The following GALNT13 variants were observed in gnomAD, a reference collection of about 807,000 sequenced individuals.
The protein encoded by GALNT13 is UDP-GalNAc:polypeptide N-acetylgalactosaminyltransferase 13.
A neutral mutation model predicts 64.2 loss-of-function variants in GALNT13; 28 were observed. The observed-to-expected ratio is 0.44, with a 90% CI of 0.32 to 0.60. The LOEUF (loss-of-function observed/expected upper bound fraction) is 0.60, where lower values mean the gene tolerates loss of function less well. Among genes scored for constraint, GALNT13 ranks in the 20% least tolerant of loss-of-function variants. The probability of loss-of-function intolerance (pLI) is 0.05; values close to 1 mark genes in which losing one functional copy is unlikely to be tolerated. For missense variants in GALNT13, 577 were observed against 669.8 expected (o/e 0.86, Z 1.53); for synonymous variants, 214 against 224.6 (o/e 0.95, Z 0.42).
chr2:154,056,325 G>T (rs898901552), intron 3 of GALNT13, among the ~76,000 whole-genome samples: 1 of 151,988 alleles, frequency 6.6e-6, no homozygotes, highest in Non-Finnish European at 1.5e-5. Flanking sequence ...AGTAATATTA[G>T]ACATCTAGAC....
the GALNT13 span, among the ~76,000 whole-genome samples, chr2:153,211,061 T>G: frequency 0.17 from 25,873 of 152,146 alleles, 2,305 homozygotes; most frequent in Non-Finnish European, 0.19. Context: ...TACAAAATTA[T>G]TTTGATTTTA....
chr2:153,593,005 G>A, the GALNT13 span: 5 of 152,382 alleles, frequency 3.3e-5, no homozygotes, highest in African/African-American at 9.7e-5. Flanking sequence ...AGAGGAGCAG[G>A]GGATAAAGCG....
At chr2:154,398,271 T>C (rs900192077) in intron 10 of GALNT13, among the ~76,000 whole-genome samples, 3 of 152,188 alleles carry the variant, frequency 2.0e-5, no homozygotes, top group Non-Finnish European at 4.4e-5. Context: ...GACCAAGGGC[T>C]ATAACAGGAC....
At chr2:153,330,771 G>A in the GALNT13 span, among the ~76,000 whole-genome samples, 1 of 152,016 alleles carries the variant, frequency 6.6e-6, no homozygotes, top group Admixed American at 6.6e-5. Context: ...CCTTTTATTT[G>A]TTTCTCTTAA....
At chr2:154,166,234 A>G (rs1323951049) in intron 4 of GALNT13, among the ~76,000 whole-genome samples, 2 of 152,082 alleles carry the variant, frequency 1.3e-5, no homozygotes, top group Admixed American at 6.6e-5. Context: ...GTGAAACCCC[A>G]TCTCTACTAA....
At chr2:154,354,172 C>T (rs1279757417) in intron 9 of GALNT13, among the ~76,000 whole-genome samples, 1 of 152,108 alleles carries the variant, frequency 6.6e-6, no homozygotes, top group Non-Finnish European at 1.5e-5. Context: ...CATACATTTT[C>T]ATATACCTGT....
At chr2:154,110,776 A>C (rs1012424122) in intron 3 of GALNT13, among the ~76,000 whole-genome samples, 22 of 152,100 alleles carry the variant, frequency 1.4e-4, no homozygotes, top group African/African-American at 5.3e-4. Flanking sequence ...TCAAGTAGAC[A>C]CTCAGTATTA....
chr2:154,284,254 A>T (rs1428633678), intron 8 of GALNT13, among the ~76,000 whole-genome samples: 1 of 152,100 alleles, frequency 6.6e-6, no homozygotes, highest in Non-Finnish European at 1.5e-5. Context: ...TTGTCCTTTG[A>T]CCAACATCTT....
the GALNT13 span, among the ~76,000 whole-genome samples, chr2:153,182,619 C>T: frequency 6.6e-6 from 1 of 152,274 alleles, no homozygotes; most frequent in Non-Finnish European, 1.5e-5. Flanking sequence ...CAACCCCTGA[C>T]TGACAGGTCC....
At chr2:154,192,092 A>C (rs1185312535) in intron 4 of GALNT13, among the ~76,000 whole-genome samples, 2 of 152,188 alleles carry the variant, frequency 1.3e-5, no homozygotes, top group African/African-American at 4.8e-5. Context: ...CTCAGCAGCC[A>C]GGCTCTCCTC....
the GALNT13 span, among the ~76,000 whole-genome samples, chr2:153,494,462 T>C: frequency 1.3e-5 from 2 of 151,942 alleles, no homozygotes; most frequent in African/African-American, 2.4e-5. Flanking sequence ...CTTATACATA[T>C]ATGACCAATT....
chr2:154,005,728 G>A (rs1553465550), intron 3 of GALNT13, among the ~76,000 whole-genome samples: 1 of 150,212 alleles, frequency 6.7e-6, no homozygotes, highest in Non-Finnish European at 1.5e-5. Context: ...TTTTTTTGTG[G>A]TTAAAATAAA....
At chr2:153,478,627 G>T in the GALNT13 span, 1 of 1,332,122 alleles carries the variant, frequency 7.5e-7, no homozygotes, top group Non-Finnish European at 1.0e-6. Context: ...CGGCGGCGCT[G>T]GAGGAACAGG....
intron 4 of GALNT13, among the ~76,000 whole-genome samples, chr2:154,200,852 A>G (rs966758344): frequency 6.6e-6 from 1 of 152,162 alleles, no homozygotes; most frequent in Admixed American, 6.6e-5. Flanking sequence ...CTTGACTAAC[A>G]TACATGATGA....
chr2:153,768,861 A>C, the GALNT13 span, among the ~76,000 whole-genome samples: 2 of 152,230 alleles, frequency 1.3e-5, no homozygotes, highest in African/African-American at 2.4e-5. Flanking sequence ...GCAAGACTCC[A>C]TCTAAATAAA....
chr2:154,022,431 A>G (rs2105281747), intron 3 of GALNT13, among the ~76,000 whole-genome samples: 1 of 152,252 alleles, frequency 6.6e-6, no homozygotes, highest in Admixed American at 6.5e-5. Context: ...GGGAGGATGT[A>G]TGTGTCGAGG....
At chr2:154,232,273 A>G (rs979341861) in intron 4 of GALNT13, among the ~76,000 whole-genome samples, 1 of 152,160 alleles carries the variant, frequency 6.6e-6, no homozygotes, top group East Asian at 1.9e-4. Context: ...GCACATTTAC[A>G]GCCTCTAAAG....
chr2:153,470,410 G>A, the GALNT13 span, among the ~76,000 whole-genome samples: 4 of 152,104 alleles, frequency 2.6e-5, no homozygotes, highest in East Asian at 1.9e-4. Context: ...CAGTCACAGC[G>A]GTTTGTTCAG....
the GALNT13 span, among the ~76,000 whole-genome samples, chr2:153,145,962 G>A: frequency 2.0e-5 from 3 of 151,824 alleles, no homozygotes; most frequent in African/African-American, 7.2e-5. Context: ...ATGGCCCAGA[G>A]GAGAATGTGA....
Sources: allele counts gnomAD v4.1 joint callset (sites outside exome capture counted in the v4.1 genomes callset), GRCh38; gene constraint gnomAD v4.1.1; transcripts MANE v1.5; gene names NCBI Gene and HGNC (gene_info 2026-07-23, HGNC 2026-07-21).